RHBDL3: variants seen among roughly 807,000 people sequenced by gnomAD.
RHBDL3 encodes the protein rhomboid like 3.
RHBDL3 carries 28 observed loss-of-function variants against 48.2 expected under a neutral mutation model. That is an observed-to-expected ratio of 0.58 (90% CI 0.43 to 0.80). The LOEUF (loss-of-function observed/expected upper bound fraction) is 0.80, where lower values mean the gene tolerates loss of function less well. Ranked by LOEUF, RHBDL3 falls within the 30% of genes least tolerant of loss-of-function variation. The probability of loss-of-function intolerance (pLI) is 0.00; values close to 1 mark genes in which losing one functional copy is unlikely to be tolerated. For synonymous variants in RHBDL3, 208 were observed against 232.3 expected (o/e 0.90, Z 0.95); for missense variants, 464 against 542.7 (o/e 0.85, Z 1.44).
rs756052457 is a variant in RHBDL3, at chr17:32,294,376, T to C, written c.602T>C (p.Leu201Pro). ...CATCCACGTTACTTGAAGAACTCCC[T>C]GGTTTACCACCCACAGCTGCGAGCA... Reference protein sequence around the residue: ...VTHPRYLKNSLVYHPQLRAQV... With the variant: ...VTHPRYLKNSPVYHPQLRAQV... Residue 201 changes from leucine to proline, a missense_variant, in exon 5 of 9, where the codon CTG (leucine) becomes CCG (proline). Coordinates refer to ENST00000269051, the MANE Select transcript of RHBDL3 (RefSeq NM_138328.3). The C allele has an allele frequency of 1.2e-6, 2 of 1,614,166 alleles. No individual in the cohort carries two copies. The highest frequency in any genetic ancestry group is 2.2e-5 in the East Asian group (1 of 44,884).
chr17:32,296,879 T>TCTCGGCTCACTGCAAC (rs1266885885), intron 5 of RHBDL3, among the ~76,000 whole-genome samples: 1 of 151,780 alleles, frequency 6.6e-6, no homozygotes, highest in African/African-American at 2.4e-5. Flanking sequence ...AATGGTGCGA[T>TCTCGGCTCACTGCAAC]CTCGGCTCAC....
chr17:32,292,870 TGAG>T (rs1458950159), intron 4 of RHBDL3, among the ~76,000 whole-genome samples: 1 of 149,454 alleles, frequency 6.7e-6, no homozygotes, highest in African/African-American at 2.5e-5. Context: ...TCTCAGCACT[TGAG>T]GAGGCAGGAA....
chr17:32,320,713 T>TC (rs1035748869), intron 8 of RHBDL3, among the ~76,000 whole-genome samples: 1 of 152,144 alleles, frequency 6.6e-6, no homozygotes, highest in African/African-American at 2.4e-5. Flanking sequence ...ATCACCTGTT[T>TC]CCCCCCATAG....
chr17:32,310,635 C>G (rs2040822335), intron 7 of RHBDL3, among the ~76,000 whole-genome samples: 1 of 150,206 alleles, frequency 6.7e-6, no homozygotes, highest in Admixed American at 6.7e-5. Flanking sequence ...ATCGCTTGAA[C>G]TCGGGAGGCG....
chr17:32,283,828 A>C (rs1208700512), intron 2 of RHBDL3, among the ~76,000 whole-genome samples: 2 of 152,184 alleles, frequency 1.3e-5, no homozygotes, highest in Non-Finnish European at 2.9e-5. Flanking sequence ...GCAGACAGAC[A>C]TCAGTGTGGG....
chr17:32,321,955 C>T lies in RHBDL3; in HGVS notation c.*726C>T, dbSNP rs1048024636. The T allele has an allele frequency of 1.3e-5, 2 of 153,014 alleles. No individual in the cohort carries two copies. Among genetic ancestry groups the T allele is most frequent in the African/African-American group, 4.8e-5 (2 of 41,474 alleles). The allele number at this position is 153,014 out of a possible 1,614,324, so 9.5% of individuals were successfully genotyped here. ...ACCCTGGAGAAGACAGACCCAGGAC[C>T]AGCTTCAGACTTCTCCCTCCCTTTC... On this transcript the variant is annotated 3_prime_UTR_variant, in exon 9 of 9. Coordinates refer to ENST00000269051, the MANE Select transcript of RHBDL3 (RefSeq NM_138328.3).
chr17:32,297,270 C>T (rs2040473145), intron 5 of RHBDL3, among the ~76,000 whole-genome samples: 1 of 152,062 alleles, frequency 6.6e-6, no homozygotes, highest in Non-Finnish European at 1.5e-5. Context: ...GAGTTCGAGA[C>T]CAGCCTGCCT....
chr17:32,267,339 A>AC (rs144368632), intron 1 of RHBDL3, among the ~76,000 whole-genome samples: 79 of 145,674 alleles, frequency 5.4e-4, no homozygotes, highest in Admixed American at 4.0e-3. Flanking sequence ...GGCATTCACC[A>AC]CCCCCCCTTC....
At chr17:32,275,426 C>T (rs1023029384) in intron 2 of RHBDL3, among the ~76,000 whole-genome samples, 1 of 152,148 alleles carries the variant, frequency 6.6e-6, no homozygotes. Flanking sequence ...GTGAGGAGGT[C>T]GGAAGGAGGA....
intron 2 of RHBDL3, among the ~76,000 whole-genome samples, chr17:32,274,740 C>T (rs62064181): frequency 0.13 from 19,347 of 152,130 alleles, 1,464 homozygotes; most frequent in Non-Finnish European, 0.16. Flanking sequence ...TTTGAGGGGG[C>T]GGAGCTTGCC....
At position 32,288,897 on chromosome 17, in the gene RHBDL3, C is replaced by A; in HGVS notation, c.400C>A (p.Arg134=). The A allele has an allele frequency of 6.2e-7, 1 of 1,614,204 alleles. No homozygotes were observed. The highest frequency in any genetic ancestry group is 1.1e-5 in the South Asian group (1 of 91,078). ...LEEKGLSLSQ[R]LIRHVAYETL... ...GGAGAAGGGGCTGAGCCTCTCGCAG[C>A]GACTTATCCGCCATGTGGCCTATGA... The change falls in exon 4 of 9, where the codon CGA becomes AGA. Residue 134 remains arginine, a synonymous_variant. Transcript: ENST00000269051.
At chr17:32,313,518 CTT>C (rs1241403608) in intron 7 of RHBDL3, among the ~76,000 whole-genome samples, 3 of 152,160 alleles carry the variant, frequency 2.0e-5, no homozygotes, top group African/African-American at 7.2e-5. Flanking sequence ...CTCCAGAACT[CTT>C]TTCATCTTAC....
intron 4 of RHBDL3, among the ~76,000 whole-genome samples, chr17:32,289,274 C>T (rs754405215): frequency 2.6e-5 from 4 of 152,114 alleles, no homozygotes; most frequent in African/African-American, 9.7e-5. Context: ...GCCAAATCCC[C>T]GTAGGACCAC....
chr17:32,309,302 C>T (rs1257934714), intron 7 of RHBDL3, among the ~76,000 whole-genome samples: 4 of 151,932 alleles, frequency 2.6e-5, no homozygotes, highest in Admixed American at 6.6e-5. Context: ...CCTGTAATCC[C>T]GGCACTTTGG....
At position 32,312,173 on chromosome 17, in the gene RHBDL3, G is replaced by A. The variant is rs1567788562; in HGVS notation, c.883-4059G>A. ...ACTTAGGCCAGGCTTGGTGGCTCAC[G>A]CCCTACAATCCCAGCACTTTGGGAG... On this transcript the variant is annotated intron_variant, in intron 7 of 8. Transcript: ENST00000269051. Among the ~76,000 whole-genome samples, 3 of 152,286 alleles carry A rather than the reference G, an allele frequency of 2.0e-5. No homozygotes were observed. The South Asian group carries it at 6.2e-4, about 32-fold the overall frequency.
At chr17:32,267,764 C>T in intron 1 of RHBDL3, 138 bp from the exon 2 acceptor site, 2 of 1,549,894 alleles carry the variant, frequency 1.3e-6, no homozygotes, top group Admixed American at 1.8e-5. Flanking sequence ...TGGCCAGTCC[C>T]TGAGCCTGGT....
chr17:32,298,134 G>A lies in RHBDL3; in HGVS notation c.711G>A (p.Val237=), dbSNP rs778199687. 1.4e-5 allele frequency: 23 copies of A among 1,613,828 alleles called. No homozygotes were observed. The African/African-American group carries it at 2.9e-4, about 21-fold the overall frequency. The part of the protein sequence containing the change: ...LGLNVVLQLL[V]GVPLEMVHGA... Reference sequence around the variant, plus strand: ...TCAATGTGGTGCTGCAGCTGCTGGTGGGGGTGCCCCTGGAGATGGTGCATG... The same window carrying A: ...TCAATGTGGTGCTGCAGCTGCTGGTAGGGGTGCCCCTGGAGATGGTGCATG... Residue 237 remains valine (V), a synonymous_variant, in exon 6 of 9, where the codon GTG becomes GTA. Coordinates refer to ENST00000269051, the MANE Select transcript of RHBDL3 (RefSeq NM_138328.3).
chr17:32,266,344 G>A (rs2039629192), intron 1 of RHBDL3, 44 bp downstream of exon 1: 2 of 1,057,882 alleles, frequency 1.9e-6, no homozygotes, highest in African/African-American at 1.7e-5. Context: ...AGGGGGCGCC[G>A]GGGGGAAAAG....
chr17:32,300,059 G>C (rs1232386473), intron 6 of RHBDL3, among the ~76,000 whole-genome samples: 2 of 152,154 alleles, frequency 1.3e-5, no homozygotes, highest in African/African-American at 4.8e-5. Context: ...CTACGAGGTG[G>C]GCACTGCTGC....
Sources: gnomAD v4.1 joint callset for allele counts (sites outside exome capture counted in the v4.1 genomes callset) on GRCh38, gnomAD v4.1.1 for gene constraint, MANE v1.5 for transcripts, NCBI Gene and HGNC (gene_info 2026-07-23, HGNC 2026-07-21) for gene names.